Variants in ZMYND19 observed in about 807,000 individuals in gnomAD.
ZMYND19 encodes zinc finger MYND domain-containing protein 19.
In ZMYND19, 17 loss-of-function variants were observed where a neutral mutation model predicts 32.0. That is an observed-to-expected ratio of 0.53 (90% confidence interval 0.36 to 0.80). The LOEUF (loss-of-function observed/expected upper bound fraction) is 0.80, where lower values mean the gene tolerates loss of function less well. ZMYND19 is among the 30% of genes least tolerant of loss of function. The pLI, the probability that ZMYND19 is intolerant of heterozygous loss-of-function variation, is 0.00. For synonymous variants in ZMYND19, 124 were observed against 113.6 expected (o/e 1.09, Z -0.58); for missense variants, 250 against 293.6 (o/e 0.85, Z 1.09).
Position 137,587,022 on chromosome 9 carries a change from G to C in ZMYND19, c.304C>G (p.Gln102Glu). The change falls in exon 4 of 6, where the codon CAA becomes GAA. Residue 102 changes from glutamine (Q) to glutamate (E), a missense_variant. By Grantham distance (29) the Gln-to-Glu change is conservative. This residue lies in a region of ZMYND19 where 212 missense variants were observed against 218.8 expected (regional missense o/e 0.97). Coordinates refer to ENST00000298585, the MANE Select transcript of ZMYND19 (RefSeq NM_138462.3). The part of the protein sequence containing the change: ...VTVDNRLDNL[Q>E]LVPWGWRPKA... Reference sequence around the variant, plus strand: ...GGCCGCCAGCCCCACGGCACCAGTTGCAGGTTGTCCAGGCGATTGTCCACG... The same window carrying C: ...GGCCGCCAGCCCCACGGCACCAGTTCCAGGTTGTCCAGGCGATTGTCCACG... The C allele has an allele frequency of 1.9e-6, 3 of 1,612,454 alleles. No individual in the cohort carries two copies. The highest frequency in any genetic ancestry group is 2.5e-6 in the Non-Finnish European group (3 of 1,180,036).
chr9:137,588,905 T>C, intron 1 of ZMYND19, 187 bp from the exon 2 acceptor site: 1 of 614,422 alleles, frequency 1.6e-6, no homozygotes, highest in East Asian at 2.8e-5. Flanking sequence ...TGGTGCAGTC[T>C]ACGACAAAAC....
rs1201860609 is a variant in ZMYND19, at chr9:137,582,520, A to G, written c.*23T>C. On this transcript the variant is annotated 3_prime_UTR_variant, in exon 6 of 6. Transcript: ENST00000298585. ...CCCAGGGTAGAGCCCGGGGGCTGTG[A>G]GTATGTGTGGCTCCCCTGCCCGTCA... The G allele has an allele frequency of 2.5e-6, 4 of 1,602,862 alleles. No homozygotes were observed. Among genetic ancestry groups the G allele is most frequent in the Non-Finnish European group, 3.4e-6 (4 of 1,178,126 alleles).
chr9:137,590,352 G>C lies in ZMYND19; in HGVS notation c.-89C>G, dbSNP rs1002936744. 3 of 856,092 alleles carry C rather than the reference G, an allele frequency of 3.5e-6. No homozygotes were observed. The highest frequency in any genetic ancestry group is 1.3e-4 in the Admixed American group (2 of 15,980). The allele number at this position is 856,092 out of a possible 1,614,324, so 53.0% of individuals were successfully genotyped here. A position where few individuals can be genotyped will look rare whatever the true frequency, so the allele number is the denominator to read the frequency against. ...GCGAGGCCGCGGCGCGCCGGGACAG[G>C]ACGGGACCGGAGCCGGGGTCGGGGT... On this transcript the variant is annotated 5_prime_UTR_variant, in exon 1 of 6. Transcript: ENST00000298585. The surrounding 1 kb of genome is among the most constrained non-coding windows in gnomAD (Gnocchi z 4.2).
At position 137,590,275 on chromosome 9, in the gene ZMYND19, C is replaced by A; in HGVS notation, c.-12G>T. On this transcript the variant is annotated 5_prime_UTR_variant, in exon 1 of 6. Coordinates refer to ENST00000298585, the MANE Select transcript of ZMYND19 (RefSeq NM_138462.3). The surrounding 1 kb of genome is among the most constrained non-coding windows in gnomAD (Gnocchi z 4.2). Reference sequence around the variant, plus strand: ...TTGAAGTCGGTCATGGCCGGGCCTGCGCTCTCGGCCGGCAGCGCCGCTCCC... The same window carrying A: ...TTGAAGTCGGTCATGGCCGGGCCTGAGCTCTCGGCCGGCAGCGCCGCTCCC... The A allele has an allele frequency of 1.9e-6, 2 of 1,079,596 alleles. No individual in the cohort carries two copies. Among genetic ancestry groups the A allele is most frequent in the South Asian group, 5.7e-5 (2 of 35,254 alleles). The allele number at this position is 1,079,596 out of a possible 1,614,324, so 66.9% of individuals were successfully genotyped here. A position where few individuals can be genotyped will look rare whatever the true frequency, so the allele number is the denominator to read the frequency against.
rs1383425212 is a variant in ZMYND19, at chr9:137,590,121, C to A, written c.51+92G>T. ...GGGCCCATCCCGGGCTCCGCGCCCCCGCCCCGGCCGCCGCCCGCACAACCG... is the reference window on the plus strand; with the variant it reads ...GGGCCCATCCCGGGCTCCGCGCCCCAGCCCCGGCCGCCGCCCGCACAACCG... On this transcript the variant is annotated intron_variant, in intron 1 of 5. Coordinates refer to ENST00000298585, the MANE Select transcript of ZMYND19 (RefSeq NM_138462.3). This position sits in a 1 kb window ranked among gnomAD's most constrained non-coding sequence, Gnocchi z 4.2. 4 of 979,930 alleles carry A rather than the reference C, an allele frequency of 4.1e-6. No homozygotes were observed. The highest frequency in any genetic ancestry group is 4.8e-6 in the Non-Finnish European group (4 of 828,360). 60.7% of individuals were successfully genotyped at this position (979,930 alleles called of 1,614,324 possible). A position where few individuals can be genotyped will look rare whatever the true frequency, so the allele number is the denominator to read the frequency against.
Position 137,582,346 on chromosome 9 carries a change from C to A in ZMYND19, c.*197G>T. 1 of 661,778 alleles carries A rather than the reference C, an allele frequency of 1.5e-6. No individual in the cohort carries two copies. Among genetic ancestry groups the A allele is most frequent in the South Asian group, 2.2e-5 (1 of 46,120 alleles). The allele number at this position is 661,778 out of a possible 1,614,324, so 41.0% of individuals were successfully genotyped here. The stretch of plus-strand genomic sequence containing the variant: ...TGAGAACCGTCCTGGTGGGAGCCTC[C>A]TCCGTTGTCTCTGCTGGAGATGAAC... On this transcript the variant is annotated 3_prime_UTR_variant, in exon 6 of 6. Transcript: ENST00000298585.
Position 137,590,489 on chromosome 9 carries a change from C to G in ZMYND19, c.-226G>C, listed in dbSNP as rs1842262351. On this transcript the variant is annotated 5_prime_UTR_variant, in exon 1 of 6. Coordinates refer to ENST00000298585, the MANE Select transcript of ZMYND19 (RefSeq NM_138462.3). The surrounding 1 kb of genome is among the most constrained non-coding windows in gnomAD (Gnocchi z 4.2). ...CCGCCGCCGCCGCCGCCACCGCCAC[C>G]GCGCGCACCACAGCGAGCGGAGCGG... The G allele has an allele frequency of 6.5e-6, 1 of 153,856 alleles. No homozygotes were observed. The highest frequency in any genetic ancestry group is 1.4e-5 in the Non-Finnish European group (1 of 71,696). The allele number at this position is 153,856 out of a possible 1,614,324, so 9.5% of individuals were successfully genotyped here. A position where few individuals can be genotyped will look rare whatever the true frequency, so the allele number is the denominator to read the frequency against.
intron 1 of ZMYND19, 175 bp from the exon 2 acceptor site, chr9:137,588,893 G>A (rs555267988): frequency 1.5e-6 from 1 of 661,984 alleles, no homozygotes. Flanking sequence ...CACCGTTTGG[G>A]GTGGTGCAGT....
chr9:137,582,148 C>T lies in ZMYND19; in HGVS notation c.*395G>A, dbSNP rs528785832. The T allele has an allele frequency of 1.2e-4, 20 of 168,834 alleles. No individual in the cohort carries two copies. Among genetic ancestry groups the T allele is most frequent in the South Asian group, 3.1e-4 (2 of 6,374 alleles). 10.5% of individuals were successfully genotyped at this position (168,834 alleles called of 1,614,324 possible). ...TGCAGGCCGCGCTCCACGGGGCTCC[C>T]GGCGGCCCAGGGGAGAAGCTTCGAC... On this transcript the variant is annotated 3_prime_UTR_variant, in exon 6 of 6. Coordinates refer to ENST00000298585, the MANE Select transcript of ZMYND19 (RefSeq NM_138462.3).
At chr9:137,584,993 C>T (rs1039499544) in intron 4 of ZMYND19, among the ~76,000 whole-genome samples, 3 of 152,124 alleles carry the variant, frequency 2.0e-5, no homozygotes, top group Admixed American at 6.5e-5. Flanking sequence ...ACATAATCCC[C>T]GAAAGAATAA....
chr9:137,582,505 A>G lies in ZMYND19; in HGVS notation c.*38T>C, dbSNP rs1343632755. 3 of 1,600,632 alleles carry G rather than the reference A, an allele frequency of 1.9e-6. No individual in the cohort carries two copies. The highest frequency in any genetic ancestry group is 3.4e-5 in the Admixed American group (2 of 59,500). Reference sequence around the variant, plus strand: ...TCTGTCTCTGCTGTGCCCAGGGTAGAGCCCGGGGGCTGTGAGTATGTGTGG... The same window carrying G: ...TCTGTCTCTGCTGTGCCCAGGGTAGGGCCCGGGGGCTGTGAGTATGTGTGG... On this transcript the variant is annotated 3_prime_UTR_variant, in exon 6 of 6. Coordinates refer to ENST00000298585, the MANE Select transcript of ZMYND19 (RefSeq NM_138462.3).
rs1842165138 is a variant in ZMYND19, at chr9:137,583,038, T to G, written c.485A>C (p.Asn162Thr). The change falls in exon 5 of 6, where the codon AAC (asparagine) becomes ACC (threonine). Residue 162 changes from asparagine (N) to threonine (T), a missense_variant. By Grantham distance (65) the Asn-to-Thr change is moderately conservative. This residue lies in a region of ZMYND19 where 212 missense variants were observed against 218.8 expected (regional missense o/e 0.97). Transcript: ENST00000298585. Reference protein sequence around the residue: ...ANGDVVEEEENSCTYYECHYP... With the variant: ...ANGDVVEEEETSCTYYECHYP... ...GTGGCACTCATAGTAGGTGCAAGAG[T>G]TCTCCTCCTCTTCCACTACATCCCC... is the stretch of plus-strand genomic sequence containing the variant. 2 of 1,614,000 alleles carry G rather than the reference T, an allele frequency of 1.2e-6. No individual in the cohort carries two copies. The highest frequency in any genetic ancestry group is 8.5e-7 in the Non-Finnish European group (1 of 1,180,014).
chr9:137,586,456 GGAGAGAAGGAAGGAATCCCGAGGT>G lies in ZMYND19; in HGVS notation c.359+487_359+510del, dbSNP rs1564490911. ...AGAGAAGGAAGGAATCCCGAGGTGA[GGAGAGAAGGAAGGAATCCCGAGGT>G]GAGAGAAGGAAGGAATCCCGAGGTG... is the stretch of plus-strand genomic sequence containing the variant. On this transcript the variant is annotated intron_variant, in intron 4 of 5. Coordinates refer to ENST00000298585, the MANE Select transcript of ZMYND19 (RefSeq NM_138462.3). Among the ~76,000 whole-genome samples the G allele has an allele frequency of 1.2e-4, 18 of 150,510 alleles. 1 individual carries two copies. Among genetic ancestry groups the G allele is most frequent in the African/African-American group, 3.7e-4 (15 of 40,830 alleles).
In ZMYND19 at chr9:137,590,229, C is replaced by G; in HGVS notation, c.35G>C (p.Gly12Ala). Residue 12 changes from glycine (G) to alanine (A), a missense_variant, in exon 1 of 6, where the codon GGC (glycine) becomes GCC (alanine). Around this residue, in one of 2 missense-constraint regions of ZMYND19, gnomAD observed 212 missense variants for 218.8 expected, o/e 0.97. Transcript: ENST00000298585. The surrounding 1 kb of genome is among the most constrained non-coding windows in gnomAD (Gnocchi z 4.2). ...GCCGCTCACCTTCCCGGCCACCCGG[C>G]CGAGCCGCACGATACCCAATTTGAA... ...TDFKLGIVRL[G>A]RVAGKTKYTL... The G allele has an allele frequency of 8.7e-7, 1 of 1,144,808 alleles. No homozygotes were observed. Among genetic ancestry groups the G allele is most frequent in the Non-Finnish European group, 1.1e-6 (1 of 916,946 alleles). The allele number at this position is 1,144,808 out of a possible 1,614,324, so 70.9% of individuals were successfully genotyped here.
At position 137,587,083 on chromosome 9, in the gene ZMYND19, G is replaced by C; in HGVS notation, c.243C>G (p.Ala81=). 6.2e-7 allele frequency: 1 copy of C among 1,608,042 alleles called. No homozygotes were observed. The highest frequency in any genetic ancestry group is 8.5e-7 in the Non-Finnish European group (1 of 1,179,986). Residue 81 remains alanine, a synonymous_variant, in exon 4 of 6, where the codon GCC becomes GCG. Transcript: ENST00000298585. Reference sequence around the variant, plus strand: ...TGAGGTGCACCACCTGGAAGCCCGGGGCCACGCCCCCCCGGTGCCGCTCCC... The same window carrying C: ...TGAGGTGCACCACCTGGAAGCCCGGCGCCACGCCCCCCCGGTGCCGCTCCC... The part of the protein sequence containing the change: ...LLWERHRGGV[A]PGFQVVHLNA...
At position 137,588,540 on chromosome 9, in the gene ZMYND19, C is replaced by A. The variant is rs565575598; in HGVS notation, c.111+119G>T. On this transcript the variant is annotated intron_variant, in intron 2 of 5. Coordinates refer to ENST00000298585, the MANE Select transcript of ZMYND19 (RefSeq NM_138462.3). ...ACGGCTCAGGGCTCACAGGCCAGCA[C>A]CAGTTGTCCACTTGTGGGGCCGCCT... is the stretch of plus-strand genomic sequence containing the variant. The A allele has an allele frequency of 7.1e-6, 8 of 1,130,182 alleles. No individual in the cohort carries two copies. In the South Asian group the frequency reaches 9.2e-5, roughly 13 times the overall value. 70.0% of individuals were successfully genotyped at this position (1,130,182 alleles called of 1,614,324 possible). A position where few individuals can be genotyped will look rare whatever the true frequency, so the allele number is the denominator to read the frequency against.
rs1554815667 is a variant in ZMYND19 at position 137,590,475 on chromosome 9, G to GCCGCCGCCA, written c.-213_-212insTGGCGGCGG. 6.3e-6 allele frequency: 1 copy of GCCGCCGCCA among 158,810 alleles called. No individual in the cohort carries two copies. Among genetic ancestry groups the GCCGCCGCCA allele is most frequent in the African/African-American group, 2.4e-5 (1 of 40,962 alleles). The allele number at this position is 158,810 out of a possible 1,614,324, so 9.8% of individuals were successfully genotyped here. A position where few individuals can be genotyped will look rare whatever the true frequency, so the allele number is the denominator to read the frequency against. On this transcript the variant is annotated 5_prime_UTR_variant, in exon 1 of 6. Transcript: ENST00000298585. The surrounding 1 kb of genome is among the most constrained non-coding windows in gnomAD (Gnocchi z 4.2). The stretch of plus-strand genomic sequence containing the variant: ...GGACCTGCCACGCGCCGCCGCCGCC[G>GCCGCCGCCA]CCGCCACCGCCACCGCGCGCACCAC...
At chr9:137,589,350 A>G (rs1842242952) in intron 1 of ZMYND19, 1 of 985,292 alleles carries the variant, frequency 1.0e-6, no homozygotes, top group Admixed American at 6.1e-5. Context: ...AGGTCCCAGA[A>G]CGGGCCAGTC....
At chr9:137,584,110 A>G (rs1842178029) in intron 4 of ZMYND19, among the ~76,000 whole-genome samples, 1 of 152,280 alleles carries the variant, frequency 6.6e-6, no homozygotes, top group African/African-American at 2.4e-5. Context: ...GCACCCAGCC[A>G]GACAGGATGT....
Sources: gnomAD v4.1 joint callset for allele counts (sites outside exome capture counted in the v4.1 genomes callset) on GRCh38, gnomAD v4.1.1 for gene constraint, gnomAD v4.1.1 regional missense constraint, Gnocchi (gnomAD v3.1) non-coding constraint, MANE v1.5 for transcripts, NCBI Gene and HGNC (gene_info 2026-07-23, HGNC 2026-07-21) for gene names.